Variants in NPAS3 observed in about 807,000 individuals in gnomAD.
The protein encoded by NPAS3 is neuronal PAS domain-containing protein 3.
NPAS3 carries 14 observed loss-of-function variants against 73.1 expected under a neutral mutation model. The ratio of observed to expected loss-of-function variants is 0.19; its 90% CI spans 0.13 to 0.30. NPAS3 has a LOEUF of 0.30. Among genes scored for constraint, NPAS3 ranks in the 10% least tolerant of loss-of-function variants. The pLI is 1.00. For synonymous variants in NPAS3, 620 were observed against 541.5 expected (o/e 1.14, Z -2.01); for missense variants, 1,096 against 1,250.0 (o/e 0.88, Z 1.86).
At chr14:33,203,073 C>G (rs2046683074) in intron 2 of NPAS3, among the ~76,000 whole-genome samples, 2 of 152,200 alleles carry the variant, frequency 1.3e-5, no homozygotes, top group Non-Finnish European at 2.9e-5. Flanking sequence ...GTTTAATCGT[C>G]ACAAAGACAT....
intron 6 of NPAS3, among the ~76,000 whole-genome samples, chr14:33,695,611 G>T (rs2060355475): frequency 6.6e-6 from 1 of 152,132 alleles, no homozygotes; most frequent in Admixed American, 6.6e-5. Context: ...CACTCCAATA[G>T]TTCAATATTT....
intron 5 of NPAS3, among the ~76,000 whole-genome samples, chr14:33,575,562 G>C (rs1179568039): frequency 6.6e-6 from 1 of 152,108 alleles, no homozygotes; most frequent in Non-Finnish European, 1.5e-5. Flanking sequence ...AACATAATTG[G>C]TAAAAAGAAT....
chr14:33,460,759 ATACT>A (rs2050225429), intron 4 of NPAS3, among the ~76,000 whole-genome samples: 1 of 152,116 alleles, frequency 6.6e-6, no homozygotes. Flanking sequence ...TGCTATTCAG[ATACT>A]TAAAGAATAT....
chr14:33,752,644 T>C lies in NPAS3; in HGVS notation c.852+17312T>C, dbSNP rs534984115. Among the ~76,000 whole-genome samples the C allele has an allele frequency of 2.0e-5, 3 of 152,338 alleles. No homozygotes were observed. In the South Asian group the frequency reaches 6.2e-4, roughly 32 times the overall value. On this transcript the variant is annotated intron_variant, in intron 7 of 11. Coordinates refer to ENST00000356141, the Ensembl canonical transcript of NPAS3. ...TTTGATACGGTTGTAAGAAGCTGAC[T>C]TTGATGGGACCAAACTCACAGACGA...
At position 33,502,938 on chromosome 14, in the gene NPAS3, T is replaced by A. The variant is rs1042565894; in HGVS notation, c.469-57183T>A. 2.6e-5 allele frequency among the ~76,000 whole-genome samples: 4 copies of A among 151,946 alleles called. No homozygotes were observed. In the East Asian group the frequency reaches 7.8e-4, roughly 30 times the overall value. The stretch of plus-strand genomic sequence containing the variant: ...TATGGAAACTTGCAGATCTAGAATA[T>A]CTAACACACTCCAAACTCAGCCACT... On this transcript the variant is annotated intron_variant, in intron 4 of 11. Coordinates refer to ENST00000356141, the Ensembl canonical transcript of NPAS3.
chr14:33,797,300 A>T (rs1356942409), intron 10 of NPAS3, among the ~76,000 whole-genome samples, 157 bp from the exon 11 acceptor site: 1 of 152,264 alleles, frequency 6.6e-6, no homozygotes, highest in Non-Finnish European at 1.5e-5. Flanking sequence ...CCAAGCTTCC[A>T]TAAAATCCCA....
At chr14:33,258,269 C>G (rs955728420) in intron 3 of NPAS3, among the ~76,000 whole-genome samples, 3 of 152,108 alleles carry the variant, frequency 2.0e-5, no homozygotes, top group African/African-American at 7.2e-5. Context: ...TGTTGGCACA[C>G]ACCTGTAGTC....
At chr14:33,123,237 G>T (rs911900356) in intron 2 of NPAS3, among the ~76,000 whole-genome samples, 1 of 151,940 alleles carries the variant, frequency 6.6e-6, no homozygotes, top group Non-Finnish European at 1.5e-5. Flanking sequence ...AGATCATCAC[G>T]GGAGACATTT....
At chr14:33,387,685 G>T (rs572404108) in intron 4 of NPAS3, among the ~76,000 whole-genome samples, 1 of 152,116 alleles carries the variant, frequency 6.6e-6, no homozygotes, top group Admixed American at 6.5e-5. Flanking sequence ...TCCAGTCCCC[G>T]GAATAAAAGA....
exon 1 of NPAS3, chr14:32,939,366 G>T: frequency 1.4e-6 from 1 of 705,360 alleles, no homozygotes; most frequent in Non-Finnish European, 2.5e-6. Context: ...AGGCGAGAAC[G>T]GTAACACTTT....
intron 4 of NPAS3, among the ~76,000 whole-genome samples, chr14:33,398,428 A>G (rs1336171904): frequency 1.3e-5 from 2 of 150,768 alleles, no homozygotes; most frequent in Non-Finnish European, 3.0e-5. Flanking sequence ...AAAAAAGTAC[A>G]GGTAAAACCC....
intron 4 of NPAS3, among the ~76,000 whole-genome samples, chr14:33,544,825 A>ATATATATATATATTATATATATATATAAT: frequency 1.1e-4 from 12 of 112,156 alleles, no homozygotes; most frequent in African/African-American, 3.3e-4. Context: ...TATATAATAT[A>ATATATATATATATTATATATATATATAAT]TATGTGTATA....
In NPAS3 at chr14:33,253,075, C is replaced by T. The variant is rs78332778; in HGVS notation, c.385+37649C>T. Among the ~76,000 whole-genome samples the T allele has an allele frequency of 1.6e-4, 25 of 152,066 alleles. No homozygotes were observed. In the East Asian group the frequency reaches 2.9e-3, roughly 18 times the overall value. On this transcript the variant is annotated intron_variant, in intron 3 of 11. Transcript: ENST00000356141. ...GACTTTGCTATTGGGAATAGTGCTG[C>T]GATGAACATAAGTGGAAATGTCTTT...
chr14:33,614,260 C>T (rs886994535), intron 5 of NPAS3, among the ~76,000 whole-genome samples: 2 of 152,154 alleles, frequency 1.3e-5, no homozygotes, highest in African/African-American at 4.8e-5. Context: ...AGTTATCTTT[C>T]TTGATATCTC....
chr14:33,298,079 C>A (rs1325123991), intron 3 of NPAS3, among the ~76,000 whole-genome samples: 1 of 152,002 alleles, frequency 6.6e-6, no homozygotes, highest in Non-Finnish European at 1.5e-5. Flanking sequence ...GTCAGGAGTT[C>A]GAGACCAGCC....
chr14:33,167,392 G>A (rs1456895535), intron 2 of NPAS3, among the ~76,000 whole-genome samples: 1 of 151,916 alleles, frequency 6.6e-6, no homozygotes, highest in East Asian at 1.9e-4. Flanking sequence ...AATGGAAAAT[G>A]GAATGAATAC....
intron 5 of NPAS3, among the ~76,000 whole-genome samples, chr14:33,675,413 G>A (rs1237421625): frequency 6.6e-6 from 1 of 152,146 alleles, no homozygotes; most frequent in East Asian, 1.9e-4. Flanking sequence ...AAACAGTTCT[G>A]ATATTTGATA....
intron 2 of NPAS3, among the ~76,000 whole-genome samples, chr14:33,149,467 A>G (rs928138657): frequency 2.6e-5 from 4 of 152,196 alleles, no homozygotes; most frequent in Non-Finnish European, 1.5e-5. Context: ...AGTGTACTTC[A>G]TCAGTACTTT....
chr14:33,778,597 T>C, intron 9 of NPAS3, 25 bp downstream of exon 9: 2 of 1,499,408 alleles, frequency 1.3e-6, no homozygotes, highest in Non-Finnish European at 9.3e-7. Flanking sequence ...TGTGGGGGAA[T>C]AACCCCGGCT....
Sources: allele counts gnomAD v4.1 joint callset (sites outside exome capture counted in the v4.1 genomes callset), GRCh38; gene constraint gnomAD v4.1.1; transcripts MANE v1.5; gene names NCBI Gene and HGNC (gene_info 2026-07-23, HGNC 2026-07-21).